The following CDK6 variants were observed in gnomAD, a reference collection of about 807,000 sequenced individuals.
The protein encoded by CDK6 is cyclin dependent kinase 6, also known as cyclin-dependent kinase 6.
A neutral mutation model predicts 37.1 loss-of-function variants in CDK6; 6 were observed. The observed-to-expected ratio is 0.16, with a 90% CI of 0.09 to 0.32. The LOEUF (loss-of-function observed/expected upper bound fraction) is 0.32, where lower values mean the gene tolerates loss of function less well. Among genes scored for constraint, CDK6 ranks in the 10% least tolerant of loss-of-function variants. CDK6 has a pLI of 1.00. For synonymous variants in CDK6, 160 were observed against 161.3 expected (o/e 0.99, Z 0.06); for missense variants, 224 against 418.9 (o/e 0.53, Z 4.06).
intron 4 of CDK6, among the ~76,000 whole-genome samples, chr7:92,695,613 CAG>C (rs1451711656): frequency 2.0e-5 from 3 of 152,180 alleles, no homozygotes; most frequent in Non-Finnish European, 2.9e-5. Context: ...TTTCATTGAA[CAG>C]AGACATGTTC....
chr7:92,757,874 G>A (rs1799354343), intron 3 of CDK6, among the ~76,000 whole-genome samples: 1 of 152,190 alleles, frequency 6.6e-6, no homozygotes, highest in Admixed American at 6.5e-5. Flanking sequence ...GTAACTCATT[G>A]TGGGTTTGGT....
At chr7:92,690,786 T>A (rs1216091901) in intron 4 of CDK6, among the ~76,000 whole-genome samples, 2 of 152,174 alleles carry the variant, frequency 1.3e-5, no homozygotes, top group African/African-American at 4.8e-5. Flanking sequence ...AGCTAGTATA[T>A]CTTGCTTTAA....
intron 5 of CDK6, among the ~76,000 whole-genome samples, chr7:92,627,525 C>A (rs190509705): frequency 6.6e-6 from 1 of 152,070 alleles, no homozygotes; most frequent in African/African-American, 2.4e-5. Context: ...GGAAATGAAC[C>A]CTCTCCAGAT....
intron 5 of CDK6, among the ~76,000 whole-genome samples, chr7:92,667,691 A>G (rs1422318792): frequency 6.6e-6 from 1 of 151,796 alleles, no homozygotes; most frequent in Non-Finnish European, 1.5e-5. Context: ...AACTGGAACT[A>G]CAGGCACACA....
intron 4 of CDK6, among the ~76,000 whole-genome samples, chr7:92,696,767 T>C (rs1222190385): frequency 1.3e-5 from 2 of 152,228 alleles, no homozygotes; most frequent in African/African-American, 4.8e-5. Context: ...GCATATGGAA[T>C]CCTGGGGTCA....
intron 5 of CDK6, among the ~76,000 whole-genome samples, chr7:92,623,993 TATATTATATATCAAATTATAC>T (rs1407875684): frequency 6.6e-6 from 1 of 152,204 alleles, no homozygotes; most frequent in Non-Finnish European, 1.5e-5. Context: ...TATCTCTTTT[TATATTATATATCAAATTATAC>T]AGCCTTAAAC....
intron 3 of CDK6, among the ~76,000 whole-genome samples, chr7:92,768,808 T>C (rs1799644458): frequency 6.6e-6 from 1 of 152,192 alleles, no homozygotes; most frequent in Admixed American, 6.5e-5. Flanking sequence ...TGGGAAGCGA[T>C]ATTTTCATGT....
chr7:92,709,230 G>T (rs1798032467), intron 4 of CDK6, among the ~76,000 whole-genome samples: 1 of 152,006 alleles, frequency 6.6e-6, no homozygotes. Context: ...CATTGTAGTA[G>T]ACTGCTTTTT....
intron 5 of CDK6, among the ~76,000 whole-genome samples, chr7:92,654,978 G>A (rs935386091): frequency 6.6e-6 from 1 of 150,654 alleles, no homozygotes; most frequent in Non-Finnish European, 1.5e-5. Flanking sequence ...CCCAAGGTGG[G>A]ACTACAGGCA....
rs181356514 is a variant in CDK6 at position 92,820,141 on chromosome 7, A to G, written c.233+12950T>C. ...GCAAACATGGCAAGAAAAAATAAAAAGGCAATTAGAAACTCCAGGAAAAAC... is the reference window on the plus strand; with the variant it reads ...GCAAACATGGCAAGAAAAAATAAAAGGGCAATTAGAAACTCCAGGAAAAAC... On this transcript the variant is annotated intron_variant, in intron 2 of 7. Transcript: ENST00000424848. Among the ~76,000 whole-genome samples the G allele has an allele frequency of 5.9e-5, 9 of 152,264 alleles. No homozygotes were observed. In the East Asian group the frequency reaches 1.7e-3, roughly 29 times the overall value.
At chr7:92,673,691 A>C (rs2116609437) in intron 4 of CDK6, among the ~76,000 whole-genome samples, 1 of 152,204 alleles carries the variant, frequency 6.6e-6, no homozygotes, top group East Asian at 1.9e-4. Context: ...AGAAAAACTT[A>C]GGTGTATAGG....
intron 4 of CDK6, among the ~76,000 whole-genome samples, chr7:92,696,479 T>C (rs1168096533): frequency 1.3e-5 from 2 of 152,344 alleles, no homozygotes; most frequent in East Asian, 3.9e-4. Context: ...CATATATGTG[T>C]ATTTTTTTAA....
intron 4 of CDK6, among the ~76,000 whole-genome samples, chr7:92,710,153 G>A (rs1248708614): frequency 1.3e-5 from 2 of 152,146 alleles, no homozygotes; most frequent in Non-Finnish European, 2.9e-5. Flanking sequence ...TGCTTTCCTG[G>A]CTAGCATAAC....
intron 2 of CDK6, among the ~76,000 whole-genome samples, chr7:92,792,187 T>G (rs1800301740): frequency 6.6e-6 from 1 of 152,098 alleles, no homozygotes; most frequent in Admixed American, 6.6e-5. Context: ...CCAATACAAC[T>G]AACAAATATT....
intron 4 of CDK6, among the ~76,000 whole-genome samples, chr7:92,692,043 G>A (rs190845794): frequency 5.3e-4 from 80 of 150,916 alleles, no homozygotes; most frequent in African/African-American, 1.9e-3. Context: ...CGAGGTGGGC[G>A]GATCATCTGA....
At chr7:92,807,139 TC>T (rs1666543820) in intron 2 of CDK6, among the ~76,000 whole-genome samples, 1 of 152,184 alleles carries the variant, frequency 6.6e-6, no homozygotes, top group Non-Finnish European at 1.5e-5. Flanking sequence ...CTTGAGAGCC[TC>T]TAGATCCAGA....
At chr7:92,741,286 G>C (rs1798921237) in intron 3 of CDK6, among the ~76,000 whole-genome samples, 1 of 152,146 alleles carries the variant, frequency 6.6e-6, no homozygotes, top group Non-Finnish European at 1.5e-5. Flanking sequence ...TGTATGTGTG[G>C]CTATGTTTGC....
chr7:92,788,262 G>T (rs1800194552), intron 2 of CDK6, among the ~76,000 whole-genome samples: 1 of 152,158 alleles, frequency 6.6e-6, no homozygotes, highest in South Asian at 2.1e-4. Flanking sequence ...GGTGTTAACG[G>T]TAATGAAAAC....
intron 4 of CDK6, among the ~76,000 whole-genome samples, chr7:92,694,723 T>C (rs1266035933): frequency 1.3e-5 from 2 of 152,132 alleles, no homozygotes; most frequent in African/African-American, 2.4e-5. Context: ...CAAACAGAAA[T>C]GTGTAGTGAT....
Sources: gnomAD v4.1 joint callset for allele counts (sites outside exome capture counted in the v4.1 genomes callset) on GRCh38, gnomAD v4.1.1 for gene constraint, MANE v1.5 for transcripts, NCBI Gene and HGNC (gene_info 2026-07-23, HGNC 2026-07-21) for gene names.